The following CNTNAP2 variants were observed in gnomAD, a reference collection of about 807,000 sequenced individuals.
The protein encoded by CNTNAP2 is contactin-associated protein-like 2.
Under a neutral mutation model 155.2 loss-of-function variants are expected in CNTNAP2, and 98 were observed. The observed-to-expected ratio is 0.63, with a 90% CI of 0.54 to 0.75. CNTNAP2 has a LOEUF of 0.75. CNTNAP2 is among the 30% of genes least tolerant of loss of function. The probability of loss-of-function intolerance (pLI) is 0.00; values close to 1 mark genes in which losing one functional copy is unlikely to be tolerated. For synonymous variants in CNTNAP2, 651 were observed against 631.2 expected, an observed-to-expected ratio of 1.03 and a Z score of -0.47; for missense variants, 1,727 against 1,688.1, an observed-to-expected ratio of 1.02 and a Z score of -0.40.
chr7:148,390,766 C>G (rs1799328324), intron 22 of CNTNAP2, among the ~76,000 whole-genome samples: 1 of 152,136 alleles, frequency 6.6e-6, no homozygotes, highest in South Asian at 2.1e-4. Flanking sequence ...GATTCTTTTT[C>G]TCATCTGTAA....
chr7:146,475,407 G>A (rs541313000), intron 1 of CNTNAP2, among the ~76,000 whole-genome samples: 1 of 152,294 alleles, frequency 6.6e-6, no homozygotes, highest in South Asian at 2.1e-4. Flanking sequence ...TCTTGAGGAT[G>A]AGAAGAGACC....
At chr7:146,626,573 T>A (rs1339318658) in intron 1 of CNTNAP2, among the ~76,000 whole-genome samples, 1 of 152,122 alleles carries the variant, frequency 6.6e-6, no homozygotes, top group Admixed American at 6.6e-5. Flanking sequence ...AGCATATGAT[T>A]GTGTGCCTGT....
chr7:146,373,355 A>G (rs1010143000), intron 1 of CNTNAP2, among the ~76,000 whole-genome samples: 14 of 152,014 alleles, frequency 9.2e-5, no homozygotes, highest in South Asian at 4.1e-4. Flanking sequence ...CTTCAGACAT[A>G]TAAGGAGAGA....
At chr7:146,375,432 A>G (rs1411468232) in intron 1 of CNTNAP2, among the ~76,000 whole-genome samples, 8 of 152,202 alleles carry the variant, frequency 5.3e-5, no homozygotes, top group African/African-American at 1.9e-4. Context: ...CAGTCCTGTC[A>G]GAGAAGGGAT....
chr7:146,756,705 C>A (rs1231888028), intron 1 of CNTNAP2, among the ~76,000 whole-genome samples: 2 of 151,894 alleles, frequency 1.3e-5, no homozygotes, highest in Non-Finnish European at 2.9e-5. Flanking sequence ...GAGAAGTAGA[C>A]CAAAATGCAA....
chr7:146,168,977 G>A (rs575211568), intron 1 of CNTNAP2, among the ~76,000 whole-genome samples: 3 of 152,188 alleles, frequency 2.0e-5, no homozygotes, highest in East Asian at 1.9e-4. Flanking sequence ...AGCTCCAGCC[G>A]CAGTGGCCTT....
chr7:147,039,728 T>C (rs1022398309), intron 3 of CNTNAP2, among the ~76,000 whole-genome samples: 1 of 152,216 alleles, frequency 6.6e-6, no homozygotes, highest in African/African-American at 2.4e-5. Flanking sequence ...GTTTTTCTTT[T>C]AGCTCTTTGA....
At chr7:146,856,246 T>C (rs962663891) in intron 3 of CNTNAP2, among the ~76,000 whole-genome samples, 7 of 150,820 alleles carry the variant, frequency 4.6e-5, no homozygotes, top group Non-Finnish European at 1.5e-5. Flanking sequence ...GACAGACAGA[T>C]AGATAGATGA....
At chr7:148,347,433 A>G (rs1798347065) in intron 21 of CNTNAP2, among the ~76,000 whole-genome samples, 2 of 152,098 alleles carry the variant, frequency 1.3e-5, no homozygotes, top group Non-Finnish European at 2.9e-5. Flanking sequence ...CAAGAATGAA[A>G]CCCCAGAACA....
chr7:147,849,232 A>T (rs556950641), intron 13 of CNTNAP2, among the ~76,000 whole-genome samples: 2 of 152,346 alleles, frequency 1.3e-5, no homozygotes, highest in South Asian at 4.1e-4. Context: ...TCTCAAGGCC[A>T]ATATTACATT....
At chr7:147,204,954 A>G (rs190877769) in intron 8 of CNTNAP2, among the ~76,000 whole-genome samples, 19 of 152,202 alleles carry the variant, frequency 1.2e-4, no homozygotes, top group African/African-American at 4.3e-4. Flanking sequence ...GTGGATTTAT[A>G]TCTGGGTGCT....
At chr7:148,275,023 C>G (rs1024191881) in intron 21 of CNTNAP2, among the ~76,000 whole-genome samples, 6 of 152,126 alleles carry the variant, frequency 3.9e-5, no homozygotes, top group Non-Finnish European at 8.8e-5. Flanking sequence ...CAAATGTATA[C>G]TCATCATATG....
chr7:146,816,136 C>T (rs1803165604), intron 2 of CNTNAP2, among the ~76,000 whole-genome samples: 1 of 152,044 alleles, frequency 6.6e-6, no homozygotes, highest in Admixed American at 6.5e-5. Flanking sequence ...GTATATGTGC[C>T]ACGTTTTCTT....
chr7:146,778,732 A>G (rs1450427592), intron 2 of CNTNAP2, among the ~76,000 whole-genome samples: 1 of 152,238 alleles, frequency 6.6e-6, no homozygotes, highest in Non-Finnish European at 1.5e-5. Context: ...CTCAATCTTC[A>G]TAACAACCTG....
At chr7:147,523,195 C>G (rs910876768) in intron 11 of CNTNAP2, among the ~76,000 whole-genome samples, 4 of 152,146 alleles carry the variant, frequency 2.6e-5, no homozygotes, top group African/African-American at 9.7e-5. Context: ...TGGCAAGTCT[C>G]AGCTCTTTGC....
intron 1 of CNTNAP2, among the ~76,000 whole-genome samples, chr7:146,520,571 G>A (rs1441254311): frequency 6.6e-6 from 1 of 151,564 alleles, no homozygotes; most frequent in Non-Finnish European, 1.5e-5. Context: ...TTTCTATAAT[G>A]CAACTGCTTC....
At chr7:146,354,727 G>A (rs2129099497) in intron 1 of CNTNAP2, among the ~76,000 whole-genome samples, 1 of 152,148 alleles carries the variant, frequency 6.6e-6, no homozygotes, top group South Asian at 2.1e-4. Context: ...TATTTTGTTA[G>A]TCCTTTAAGG....
intron 13 of CNTNAP2, among the ~76,000 whole-genome samples, chr7:147,876,942 G>A (rs752048867): frequency 1.8e-4 from 28 of 152,048 alleles, no homozygotes; most frequent in Non-Finnish European, 3.5e-4. Context: ...GCTGGTGTCG[G>A]GTGATTTCAG....
chr7:146,952,159 C>T (rs1158115529), intron 3 of CNTNAP2, among the ~76,000 whole-genome samples: 4 of 152,098 alleles, frequency 2.6e-5, no homozygotes, highest in Non-Finnish European at 4.4e-5. Context: ...ATCACATAAA[C>T]AGAACCAATG....
Sources: allele counts gnomAD v4.1 joint callset (sites outside exome capture counted in the v4.1 genomes callset), GRCh38; gene constraint gnomAD v4.1.1; transcripts MANE v1.5; gene names NCBI Gene and HGNC (gene_info 2026-07-23, HGNC 2026-07-21).